The following H2AC4 variants were observed in gnomAD, a reference collection of about 807,000 sequenced individuals.
The protein encoded by H2AC4 is H2A clustered histone 4, also known as histone H2A type 1-B/E.
In H2AC4, 8 loss-of-function variants were observed where a neutral mutation model predicts 6.1. The ratio of observed to expected loss-of-function variants is 1.31; its 90% CI spans 0.77 to 2.36. H2AC4 has a LOEUF of 2.36. Among genes scored for constraint, H2AC4 ranks in the 30% most tolerant of loss-of-function variants. The pLI, the probability that H2AC4 is intolerant of heterozygous loss-of-function variation, is 0.00. For synonymous variants in H2AC4, 129 were observed against 78.4 expected (o/e 1.64, Z -3.41); for missense variants, 260 against 180.4 (o/e 1.44, Z -2.53).
Position 26,033,264 on chromosome 6 carries a change from G to C in H2AC4, c.305C>G (p.Thr102Ser), listed in dbSNP as rs775276035. 5 of 1,614,126 alleles carry C rather than the reference G, an allele frequency of 3.1e-6. No individual in the cohort carries two copies. In the South Asian group the frequency reaches 4.4e-5, roughly 14 times the overall value. The change falls in exon 1 of 1, where the codon ACC becomes AGC. Residue 102 changes from threonine (T) to serine (S), a missense_variant. Thr to Ser is a moderately conservative substitution (Grantham distance 58). Coordinates refer to ENST00000615868, the MANE Select transcript of H2AC4 (RefSeq NM_003513.3). ...EELNKLLGRV[T>S]IAQGGVLPNI... Reference sequence around the variant, plus strand: ...AGGCAAAACGCCACCCTGCGCGATGGTCACACGCCCCAAGAGTTTATTAAG... The same window carrying C: ...AGGCAAAACGCCACCCTGCGCGATGCTCACACGCCCCAAGAGTTTATTAAG...
chr6:26,033,354 C>T lies in H2AC4; in HGVS notation c.215G>A (p.Arg72His), dbSNP rs1761502850. 6.2e-7 allele frequency: 1 copy of T among 1,613,972 alleles called. No individual in the cohort carries two copies. The highest frequency in any genetic ancestry group is 8.5e-7 in the Non-Finnish European group (1 of 1,179,982). ...GATGATGCGGGTCTTCTTGTTGTCG[C>T]GGGCCGCATTGCCCGCCAGCTCCAG... ...EILELAGNAA[R>H]DNKKTRIIPR... Residue 72 changes from arginine (R) to histidine (H), a missense_variant, in exon 1 of 1, where the codon CGC becomes CAC. Transcript: ENST00000615868.
rs1761500031 is a variant in H2AC4 at position 26,033,271 on chromosome 6, G to A, written c.298C>T (p.Arg100Cys). 1 of 1,614,152 alleles carries A rather than the reference G, an allele frequency of 6.2e-7. No individual in the cohort carries two copies. The highest frequency in any genetic ancestry group is 8.5e-7 in the Non-Finnish European group (1 of 1,180,034). Reference protein sequence around the residue: ...NDEELNKLLGRVTIAQGGVLP... With the variant: ...NDEELNKLLGCVTIAQGGVLP... Reference sequence around the variant, plus strand: ...ACGCCACCCTGCGCGATGGTCACACGCCCCAAGAGTTTATTAAGCTCCTCG... The same window carrying A: ...ACGCCACCCTGCGCGATGGTCACACACCCCAAGAGTTTATTAAGCTCCTCG... The change falls in exon 1 of 1, where the codon CGT (arginine) becomes TGT (cysteine). Residue 100 changes from arginine (R) to cysteine (C), a missense_variant. By Grantham distance (180) the Arg-to-Cys change is radical. Coordinates refer to ENST00000615868, the MANE Select transcript of H2AC4 (RefSeq NM_003513.3).
In H2AC4 at chr6:26,033,104, GAA is replaced by G. The variant is rs1761495093; in HGVS notation, c.*70_*71del. The G allele has an allele frequency of 3.8e-6, 6 of 1,566,506 alleles. No homozygotes were observed. The highest frequency in any genetic ancestry group is 3.5e-5 in the South Asian group (3 of 86,516). On this transcript the variant is annotated 3_prime_UTR_variant, in exon 1 of 1. Transcript: ENST00000615868. ...TTTAATGGAAGTCGTAGGTGGCTCTGAAAAGAGCCTTTGCTGTTAGGCTGATT... is the reference window on the plus strand; with the variant it reads ...TTTAATGGAAGTCGTAGGTGGCTCTGAAGAGCCTTTGCTGTTAGGCTGATT...
rs777507779 is a variant in H2AC4, at chr6:26,033,519, G to A, written c.50C>T (p.Thr17Ile). The A allele has an allele frequency of 9.5e-5, 154 of 1,614,090 alleles. No homozygotes were observed. The highest frequency in any genetic ancestry group is 8.1e-5 in the Non-Finnish European group (96 of 1,180,046). ...CTGCAAACCTGCACGAGAAGACCGA[G>A]TCTTAGCCTTGGCGCGAGCTTTACC... ...QGGKARAKAK[T>I]RSSRAGLQFP... is the part of the protein sequence containing the mutation. Residue 17 changes from threonine (T) to isoleucine (I), a missense_variant, in exon 1 of 1, where the codon ACT becomes ATT. Physicochemically the swap from Thr to Ile is moderately conservative, Grantham distance 89. Transcript: ENST00000615868.
Position 26,033,577 on chromosome 6 carries a change from C to A in H2AC4, c.-9G>T, listed in dbSNP as rs771062588. 5 of 1,516,368 alleles carry A rather than the reference C, an allele frequency of 3.3e-6. No homozygotes were observed. The South Asian group carries it at 5.7e-5, about 17-fold the overall frequency. The allele number at this position is 1,516,368 out of a possible 1,614,324, so 93.9% of individuals were successfully genotyped here. ...TTGCCGCGACCAGACATAACTACTT[C>A]TGATAAGGGAAAATCGCCACAAGAA... On this transcript the variant is annotated 5_prime_UTR_variant, in exon 1 of 1. Transcript: ENST00000615868.
rs755743999 is a variant in H2AC4 at position 26,033,548 on chromosome 6, T to C, written c.21A>G (p.Gln7=). Residue 7 remains glutamine, a synonymous_variant, in exon 1 of 1, where the codon CAA becomes CAG. Coordinates refer to ENST00000615868, the MANE Select transcript of H2AC4 (RefSeq NM_003513.3). MSGRGK[Q]GGKARAKAKT... is the part of the protein sequence containing the mutation. Reference sequence around the variant, plus strand: ...TAGCCTTGGCGCGAGCTTTACCGCCTTGTTTGCCGCGACCAGACATAACTA... The same window carrying C: ...TAGCCTTGGCGCGAGCTTTACCGCCCTGTTTGCCGCGACCAGACATAACTA... The C allele has an allele frequency of 6.2e-7, 1 of 1,609,510 alleles. No homozygotes were observed. Among genetic ancestry groups the C allele is most frequent in the South Asian group, 1.1e-5 (1 of 90,888 alleles).
chr6:26,033,581 T>TAAGG lies in H2AC4; in HGVS notation c.-17_-14dup, dbSNP rs1554147673. ...CGCGACCAGACATAACTACTTCTGA[T>TAAGG]AAGGGAAAATCGCCACAAGAAAATG... On this transcript the variant is annotated 5_prime_UTR_variant, in exon 1 of 1. Transcript: ENST00000615868. The TAAGG allele has an allele frequency of 4.4e-6, 7 of 1,604,534 alleles. No homozygotes were observed. In the Admixed American group the frequency reaches 1.0e-4, roughly 24 times the overall value.
rs1170931035 is a variant in H2AC4, at chr6:26,033,495, T to G, written c.74A>C (p.Gln25Pro). The G allele has an allele frequency of 6.2e-7, 1 of 1,614,202 alleles. No homozygotes were observed. The highest frequency in any genetic ancestry group is 1.1e-5 in the South Asian group (1 of 91,090). Residue 25 changes from glutamine (Q) to proline (P), a missense_variant, in exon 1 of 1, where the codon CAG becomes CCG. Physicochemically the swap from Gln to Pro is moderately conservative, Grantham distance 76 (BLOSUM62 -1). Transcript: ENST00000615868. The part of the protein sequence containing the change: ...AKTRSSRAGL[Q>P]FPVGRVHRLL... ...GCGGTGCACTCGGCCCACAGGAAAC[T>G]GCAAACCTGCACGAGAAGACCGAGT...
At position 26,033,474 on chromosome 6, in the gene H2AC4, T is replaced by G. The variant is rs373273211; in HGVS notation, c.95A>C (p.His32Pro). The stretch of plus-strand genomic sequence containing the variant: ...GTAGTTGCCTTTGCGGAGCAGGCGG[T>G]GCACTCGGCCCACAGGAAACTGCAA... ...AGLQFPVGRV[H>P]RLLRKGNYSE... is the part of the protein sequence containing the mutation. The change falls in exon 1 of 1, where the codon CAC becomes CCC. Residue 32 changes from histidine to proline, a missense_variant. His to Pro is a moderately conservative substitution (Grantham distance 77). Transcript: ENST00000615868. 1.1e-5 allele frequency: 17 copies of G among 1,613,976 alleles called. No individual in the cohort carries two copies. The highest frequency in any genetic ancestry group is 1.4e-5 in the Non-Finnish European group (17 of 1,180,018).
In H2AC4 at chr6:26,033,337, G is replaced by A; in HGVS notation, c.232C>T (p.Arg78Cys). The change falls in exon 1 of 1, where the codon CGC (arginine) becomes TGC (cysteine). Residue 78 changes from arginine to cysteine, a missense_variant. Arg to Cys is a radical substitution (Grantham distance 180, BLOSUM62 -3). Coordinates refer to ENST00000615868, the MANE Select transcript of H2AC4 (RefSeq NM_003513.3). ...AATTGCAGGTGGCGCGGGATGATGC[G>A]GGTCTTCTTGTTGTCGCGGGCCGCA... ...GNAARDNKKT[R>C]IIPRHLQLAI... 2 of 1,614,048 alleles carry A rather than the reference G, an allele frequency of 1.2e-6. No individual in the cohort carries two copies. Among genetic ancestry groups the A allele is most frequent in the Non-Finnish European group, 1.7e-6 (2 of 1,180,022 alleles).
chr6:26,033,466 G>A lies in H2AC4; in HGVS notation c.103C>T (p.Leu35Phe), dbSNP rs1761507327. 4 of 1,614,212 alleles carry A rather than the reference G, an allele frequency of 2.5e-6. No homozygotes were observed. Among genetic ancestry groups the A allele is most frequent in the African/African-American group, 1.3e-5 (1 of 75,058 alleles). Reference sequence around the variant, plus strand: ...CGCTCGGAGTAGTTGCCTTTGCGGAGCAGGCGGTGCACTCGGCCCACAGGA... The same window carrying A: ...CGCTCGGAGTAGTTGCCTTTGCGGAACAGGCGGTGCACTCGGCCCACAGGA... ...QFPVGRVHRL[L>F]RKGNYSERVG... Residue 35 changes from leucine (L) to phenylalanine (F), a missense_variant, in exon 1 of 1, where the codon CTC becomes TTC. Transcript: ENST00000615868.
In H2AC4 at chr6:26,033,334, T is replaced by C. The variant is rs564578704; in HGVS notation, c.235A>G (p.Ile79Val). The part of the protein sequence containing the change: ...NAARDNKKTR[I>V]IPRHLQLAIR... The stretch of plus-strand genomic sequence containing the variant: ...GCCAATTGCAGGTGGCGCGGGATGA[T>C]GCGGGTCTTCTTGTTGTCGCGGGCC... Residue 79 changes from isoleucine to valine, a missense_variant, in exon 1 of 1, where the codon ATC becomes GTC. Ile to Val is a conservative substitution (Grantham distance 29). Transcript: ENST00000615868. The C allele has an allele frequency of 2.5e-5, 41 of 1,614,106 alleles. No homozygotes were observed. The Admixed American group carries it at 4.2e-4, about 16-fold the overall frequency.
In H2AC4 at chr6:26,033,281, TTTA is replaced by T. The variant is rs1761500472; in HGVS notation, c.285_287del (p.Asn95del). On this transcript the variant is annotated inframe_deletion, in exon 1 of 1. Transcript: ENST00000615868. Reference sequence around the variant, plus strand: ...GCGCGATGGTCACACGCCCCAAGAGTTTATTAAGCTCCTCGTCATTGCGGATGG... The same window carrying T: ...GCGCGATGGTCACACGCCCCAAGAGTTTAAGCTCCTCGTCATTGCGGATGG... 5.0e-6 allele frequency: 8 copies of T among 1,613,898 alleles called. No homozygotes were observed. The highest frequency in any genetic ancestry group is 1.1e-5 in the South Asian group (1 of 91,076).
In H2AC4 at chr6:26,033,404, CA is replaced by C; in HGVS notation, c.164del (p.Val55GlyfsTer5). The C allele has an allele frequency of 6.2e-7, 1 of 1,614,008 alleles. No individual in the cohort carries two copies. The highest frequency in any genetic ancestry group is 8.5e-7 in the Non-Finnish European group (1 of 1,179,942). On this transcript the variant is annotated frameshift_variant, in exon 1 of 1. Transcript: ENST00000615868. LOFTEE classifies it high-confidence loss of function. ...GAGAPVYLAA[V>X]LEYLTAEILE... is the part of the protein sequence containing the mutation. Reference sequence around the variant, plus strand: ...GGATCTCGGCGGTCAGGTACTCAAGCACCGCCGCGAGATACACCGGCGCGCC... The same window carrying C: ...GGATCTCGGCGGTCAGGTACTCAAGCCCGCCGCGAGATACACCGGCGCGCC...
Position 26,033,205 on chromosome 6 carries a change from C to CA in H2AC4, c.363dup (p.Glu122Ter). ...TTTCCCTTGGCCTTATGATGGCTCTCAGTTTTCTTAGGCAGCAGCACCGCC... is the reference window on the plus strand; with the variant it reads ...TTTCCCTTGGCCTTATGATGGCTCTCAAGTTTTCTTAGGCAGCAGCACCGCC... On this transcript the variant is annotated frameshift_variant, in exon 1 of 1. Transcript: ENST00000615868. LOFTEE classifies it high-confidence loss of function. 6.2e-7 allele frequency: 1 copy of CA among 1,614,058 alleles called. No individual in the cohort carries two copies. Among genetic ancestry groups the CA allele is most frequent in the Non-Finnish European group, 8.5e-7 (1 of 1,179,918 alleles).
chr6:26,033,371 C>G lies in H2AC4; in HGVS notation c.198G>C (p.Leu66=). The change falls in exon 1 of 1, where the codon CTG becomes CTC. Residue 66 remains leucine, a synonymous_variant. Transcript: ENST00000615868. ...TGTTGTCGCGGGCCGCATTGCCCGCCAGCTCCAGGATCTCGGCGGTCAGGT... is the reference window on the plus strand; with the variant it reads ...TGTTGTCGCGGGCCGCATTGCCCGCGAGCTCCAGGATCTCGGCGGTCAGGT... ...LEYLTAEILE[L]AGNAARDNKK... 6.2e-7 allele frequency: 1 copy of G among 1,614,112 alleles called. No homozygotes were observed. The highest frequency in any genetic ancestry group is 1.3e-5 in the African/African-American group (1 of 75,028).
rs764354439 is a variant in H2AC4 at position 26,033,481 on chromosome 6, G to C, written c.88C>G (p.Arg30Gly). 1.2e-6 allele frequency: 2 copies of C among 1,614,170 alleles called. No homozygotes were observed. The highest frequency in any genetic ancestry group is 1.7e-6 in the Non-Finnish European group (2 of 1,180,026). ...SRAGLQFPVG[R>G]VHRLLRKGNY... is the part of the protein sequence containing the mutation. ...CCTTTGCGGAGCAGGCGGTGCACTC[G>C]GCCCACAGGAAACTGCAAACCTGCA... Residue 30 changes from arginine (R) to glycine (G), a missense_variant, in exon 1 of 1, where the codon CGA becomes GGA. Transcript: ENST00000615868.
chr6:26,033,581 T>G lies in H2AC4; in HGVS notation c.-13A>C, dbSNP rs192598378. 4.4e-6 allele frequency: 7 copies of G among 1,604,534 alleles called. No individual in the cohort carries two copies. Among genetic ancestry groups the G allele is most frequent in the African/African-American group, 4.1e-5 (3 of 73,582 alleles). On this transcript the variant is annotated 5_prime_UTR_variant, in exon 1 of 1. Coordinates refer to ENST00000615868, the MANE Select transcript of H2AC4 (RefSeq NM_003513.3). ...CGCGACCAGACATAACTACTTCTGA[T>G]AAGGGAAAATCGCCACAAGAAAATG...
In H2AC4 at chr6:26,033,315, T is replaced by G; in HGVS notation, c.254A>C (p.Gln85Pro). ...CTCCTCGTCATTGCGGATGGCCAAT[T>G]GCAGGTGGCGCGGGATGATGCGGGT... ...KKTRIIPRHL[Q>P]LAIRNDEELN... Residue 85 changes from glutamine (Q) to proline (P), a missense_variant, in exon 1 of 1, where the codon CAA (glutamine) becomes CCA (proline). Transcript: ENST00000615868. The G allele has an allele frequency of 6.2e-7, 1 of 1,614,174 alleles. No individual in the cohort carries two copies. Among genetic ancestry groups the G allele is most frequent in the East Asian group, 2.2e-5 (1 of 44,864 alleles).
Sources: gnomAD v4.1 joint callset for allele counts on GRCh38, gnomAD v4.1.1 for gene constraint, MANE v1.5 for transcripts, NCBI Gene and HGNC (gene_info 2026-07-23, HGNC 2026-07-21) for gene names.